SH3RF1: variants seen among roughly 807,000 people sequenced by gnomAD.
The protein encoded by SH3RF1 is SH3 domain containing ring finger 1.
In SH3RF1, 32 loss-of-function variants were observed where a neutral mutation model predicts 74.0. That is an observed-to-expected ratio of 0.43 (90% confidence interval 0.33 to 0.58). The LOEUF is 0.58. Ranked by LOEUF, SH3RF1 falls within the 20% of genes least tolerant of loss-of-function variation. SH3RF1 has a pLI of 0.05. For synonymous variants in SH3RF1, 396 were observed against 439.6 expected, an observed-to-expected ratio of 0.90 and a Z score of 1.24; for missense variants, 954 against 1,130.9, an observed-to-expected ratio of 0.84 and a Z score of 2.24.
At position 169,211,099 on chromosome 4, in the gene SH3RF1, T is replaced by C. The variant is rs1234669579; in HGVS notation, c.394-54420A>G. On this transcript the variant is annotated intron_variant, in intron 2 of 11. Transcript: ENST00000284637. ...ATAAGGACAAAAGACAAAACACTTA[T>C]ATCCTTAAACCCAAAATCCCATAAA... Among the ~76,000 whole-genome samples the C allele has an allele frequency of 2.0e-5, 3 of 152,208 alleles. No homozygotes were observed. The East Asian group carries it at 5.8e-4, about 29-fold the overall frequency.
intron 2 of SH3RF1, among the ~76,000 whole-genome samples, chr4:169,224,521 T>C (rs1161004344): frequency 1.3e-5 from 2 of 152,220 alleles, no homozygotes; most frequent in Non-Finnish European, 2.9e-5. Context: ...TTTTGCCATG[T>C]TGGCCAGGCT....
At chr4:169,170,735 T>C (rs970192538) in intron 2 of SH3RF1, among the ~76,000 whole-genome samples, 3 of 152,192 alleles carry the variant, frequency 2.0e-5, no homozygotes, top group Non-Finnish European at 2.9e-5. Flanking sequence ...CTTCCTGAAA[T>C]ACAACTTTTA....
intron 2 of SH3RF1, among the ~76,000 whole-genome samples, chr4:169,232,481 A>G (rs1730760098): frequency 6.6e-6 from 1 of 152,234 alleles, no homozygotes. Flanking sequence ...AAAGTCACAT[A>G]ATAATGAATA....
intron 2 of SH3RF1, among the ~76,000 whole-genome samples, chr4:169,259,556 G>A (rs961919544): frequency 6.6e-6 from 1 of 152,180 alleles, no homozygotes; most frequent in East Asian, 1.9e-4. Context: ...GAAAAAGGGT[G>A]CCTGGGGCTC....
chr4:169,158,299 T>C (rs1734094509), intron 2 of SH3RF1, among the ~76,000 whole-genome samples: 1 of 151,600 alleles, frequency 6.6e-6, no homozygotes, highest in Non-Finnish European at 1.5e-5. Context: ...AAGGTTGGAG[T>C]GAATGAATGA....
intron 10 of SH3RF1, 125 bp downstream of exon 10, chr4:169,116,144 T>C (rs761682823): frequency 9.3e-6 from 13 of 1,396,644 alleles, no homozygotes; most frequent in Non-Finnish European, 1.2e-5. Flanking sequence ...GACTCACACG[T>C]AGGGAGCACC....
chr4:169,168,153 A>G (rs187530539), intron 2 of SH3RF1, among the ~76,000 whole-genome samples: 37 of 152,298 alleles, frequency 2.4e-4, no homozygotes, highest in Admixed American at 1.3e-3. Flanking sequence ...AAACAAAAAC[A>G]AAAGCAAAAG....
At chr4:169,207,866 G>A (rs137965884) in intron 2 of SH3RF1, among the ~76,000 whole-genome samples, 1 of 152,262 alleles carries the variant, frequency 6.6e-6, no homozygotes, top group East Asian at 1.9e-4. Context: ...GGTCCTCACA[G>A]AAGCAAACCT....
rs535765590 is a variant in SH3RF1, at chr4:169,130,160, C to T, written c.1069-4G>A. The T allele has an allele frequency of 1.6e-5, 24 of 1,544,474 alleles. No homozygotes were observed. Among genetic ancestry groups the T allele is most frequent in the Middle Eastern group, 1.7e-4 (1 of 5,740 alleles). ...ACCCGGTGGTACTTATATGAACCTG[C>T]CGAGAAAAGAAAAGTTATTAAAAAG... On this transcript the variant is annotated splice_polypyrimidine_tract_variant and splice_region_variant and intron_variant, in intron 5 of 11. Coordinates refer to ENST00000284637, the MANE Select transcript of SH3RF1 (RefSeq NM_020870.4).
intron 2 of SH3RF1, among the ~76,000 whole-genome samples, chr4:169,235,630 G>C (rs555691824): frequency 5.9e-5 from 9 of 152,150 alleles, no homozygotes; most frequent in African/African-American, 2.2e-4. Context: ...ATAATAATAT[G>C]CCATATTAAT....
At chr4:169,173,076 GTAA>G (rs1734359495) in intron 2 of SH3RF1, among the ~76,000 whole-genome samples, 1 of 152,108 alleles carries the variant, frequency 6.6e-6, no homozygotes, top group Non-Finnish European at 1.5e-5. Flanking sequence ...ACAAAGAGGA[GTAA>G]TAATAAAAAA....
intron 2 of SH3RF1, among the ~76,000 whole-genome samples, chr4:169,238,300 T>C (rs950394662): frequency 1.3e-5 from 2 of 152,342 alleles, no homozygotes; most frequent in Non-Finnish European, 2.9e-5. Context: ...AGGAACTACC[T>C]ACCAGGTGTC....
At chr4:169,158,862 CAAATTTGTTTTGCT>C in intron 2 of SH3RF1, among the ~76,000 whole-genome samples, 1 of 152,246 alleles carries the variant, frequency 6.6e-6, no homozygotes, top group Admixed American at 6.5e-5. Context: ...ACCTATAAGC[CAAATTTGTTTTGCT>C]AAACATTTGT....
intron 2 of SH3RF1, among the ~76,000 whole-genome samples, chr4:169,173,259 C>T (rs1484804766): frequency 6.6e-6 from 1 of 152,106 alleles, no homozygotes; most frequent in African/African-American, 2.4e-5. Flanking sequence ...TAATCCCACT[C>T]CTACTTGCTC....
chr4:169,178,078 T>C (rs763312192), intron 2 of SH3RF1, among the ~76,000 whole-genome samples: 3 of 151,550 alleles, frequency 2.0e-5, no homozygotes, highest in Non-Finnish European at 4.4e-5. Flanking sequence ...CTGTCTCTAC[T>C]AAAAATACAA....
chr4:169,151,428 C>A (rs1159788966), intron 4 of SH3RF1, among the ~76,000 whole-genome samples: 1 of 152,210 alleles, frequency 6.6e-6, no homozygotes, highest in Non-Finnish European at 1.5e-5. Context: ...AAGAGCCAGG[C>A]CCATAGTCAC....
intron 2 of SH3RF1, among the ~76,000 whole-genome samples, chr4:169,162,627 G>A (rs1734167947): frequency 6.6e-6 from 1 of 152,138 alleles, no homozygotes; most frequent in Non-Finnish European, 1.5e-5. Context: ...AGCACTTTGA[G>A]GATGGCAGCT....
chr4:169,212,029 G>A (rs898222907), intron 2 of SH3RF1, among the ~76,000 whole-genome samples: 37 of 106,718 alleles, frequency 3.5e-4, no homozygotes, highest in African/African-American at 1.3e-3. Flanking sequence ...ATAAGATCTT[G>A]TTTTCTAATT....
At chr4:169,214,601 C>T (rs780475958) in intron 2 of SH3RF1, among the ~76,000 whole-genome samples, 10 of 152,022 alleles carry the variant, frequency 6.6e-5, no homozygotes, top group Admixed American at 1.3e-4. Context: ...TTTCTTTCAT[C>T]GGATTTTTGT....
Sources: allele counts gnomAD v4.1 joint callset (sites outside exome capture counted in the v4.1 genomes callset), GRCh38; gene constraint gnomAD v4.1.1; transcripts MANE v1.5; gene names NCBI Gene and HGNC (gene_info 2026-07-23, HGNC 2026-07-21).